Variants in TRIQK observed in about 807,000 individuals in gnomAD.
TRIQK encodes the protein triple QxxK/R motif containing.
TRIQK carries 10 observed loss-of-function variants against 10.8 expected under a neutral mutation model. The observed-to-expected ratio is 0.92, with a 90% CI of 0.57 to 1.57. The LOEUF is 1.57. Among genes scored for constraint, TRIQK ranks in the 40% most tolerant of loss-of-function variants. The pLI is 0.00. For synonymous variants in TRIQK, 33 were observed against 33.7 expected, an observed-to-expected ratio of 0.98 and a Z score of 0.07; for missense variants, 107 against 97.7, an observed-to-expected ratio of 1.09 and a Z score of -0.40.
At chr8:92,957,565 C>G (rs1812238223) in intron 1 of TRIQK, among the ~76,000 whole-genome samples, 1 of 151,648 alleles carries the variant, frequency 6.6e-6, no homozygotes, top group Admixed American at 6.6e-5. Flanking sequence ...AGAAGAAATG[C>G]AAAGTGTTAA....
chr8:93,012,672 A>G (rs755573212), intron 1 of TRIQK, among the ~76,000 whole-genome samples: 23 of 152,164 alleles, frequency 1.5e-4, no homozygotes, highest in Non-Finnish European at 8.8e-5. Flanking sequence ...ATAATTCACT[A>G]TCTCCTAACA....
chr8:92,916,558 A>C (rs576162225), intron 3 of TRIQK, among the ~76,000 whole-genome samples: 140 of 152,246 alleles, frequency 9.2e-4, no homozygotes, highest in African/African-American at 3.1e-3. Context: ...TGAAGTTATC[A>C]AATTATTGCC....
intron 1 of TRIQK, among the ~76,000 whole-genome samples, chr8:93,000,372 A>T (rs1434561201): frequency 6.6e-6 from 1 of 152,222 alleles, no homozygotes; most frequent in Non-Finnish European, 1.5e-5. Flanking sequence ...AGGTGAAGAA[A>T]GATCAAAGGC....
chr8:92,949,565 G>A lies in TRIQK; in HGVS notation c.-22+4841C>T, dbSNP rs71530260. Among the ~76,000 whole-genome samples, 565 of 140,208 alleles carry A rather than the reference G, an allele frequency of 4.0e-3. 3 individuals are homozygous for A. Among genetic ancestry groups the A allele is most frequent in the African/African-American group, 0.014 (531 of 37,122 alleles). The allele number at this position is 140,208 out of a possible 152,430, so 92.0% of individuals were successfully genotyped here. On this transcript the variant is annotated intron_variant, in intron 2 of 4. Transcript: ENST00000521988. ...GAAGGAAGGAAGGAAGGAAGGAAAG[G>A]GAAGGAAAGAAAGAAAGAGATGGAA...
At chr8:92,899,795 G>C (rs1808822007) in intron 3 of TRIQK, among the ~76,000 whole-genome samples, 1 of 152,174 alleles carries the variant, frequency 6.6e-6, no homozygotes, top group South Asian at 2.1e-4. Context: ...TCATCTGGTA[G>C]CTCTATTTTT....
intron 2 of TRIQK, chr8:92,941,356 C>T (rs1235078331): frequency 1.3e-5 from 2 of 152,090 alleles, no homozygotes; most frequent in African/African-American, 4.8e-5. Context: ...GGATTACAAG[C>T]ATGAGCCACT....
At chr8:92,966,214 C>G (rs528898700), upstream of TRIQK, 29 of 152,420 alleles carry the variant, frequency 1.9e-4, no homozygotes. Flanking sequence ...TTTCTCCCGT[C>G]TGTACGCCGG....
At chr8:92,906,579 G>A (rs1809269322) in intron 3 of TRIQK, among the ~76,000 whole-genome samples, 1 of 152,058 alleles carries the variant, frequency 6.6e-6, no homozygotes, top group Non-Finnish European at 1.5e-5. Context: ...CTCCTAGAAT[G>A]TAACACTCAT....
chr8:92,906,414 C>T (rs912542325), intron 3 of TRIQK, among the ~76,000 whole-genome samples: 1 of 151,942 alleles, frequency 6.6e-6, no homozygotes, highest in Non-Finnish European at 1.5e-5. Context: ...ACTATTTTGA[C>T]CAATCATAAA....
At chr8:92,904,658 T>C (rs1420469599) in intron 3 of TRIQK, among the ~76,000 whole-genome samples, 1 of 152,036 alleles carries the variant, frequency 6.6e-6, no homozygotes. Context: ...GCAGTATACT[T>C]ACAGTCCTAC....
At chr8:92,934,535 G>A (rs1810889015) in intron 2 of TRIQK, among the ~76,000 whole-genome samples, 1 of 151,848 alleles carries the variant, frequency 6.6e-6, no homozygotes. Context: ...TGCTTCCAAT[G>A]TAATAGCTTC....
intron 2 of TRIQK, among the ~76,000 whole-genome samples, chr8:92,923,281 G>C (rs1041623252): frequency 4.6e-5 from 7 of 151,588 alleles, no homozygotes; most frequent in Admixed American, 2.0e-4. Flanking sequence ...AGCACATACA[G>C]CCGCAATTTC....
intron 4 of TRIQK, among the ~76,000 whole-genome samples, chr8:92,888,372 G>A (rs1484444177): frequency 6.6e-6 from 1 of 151,540 alleles, no homozygotes; most frequent in Non-Finnish European, 1.5e-5. Context: ...GGCATGAAAA[G>A]GCATTTAAGG....
intron 1 of TRIQK, among the ~76,000 whole-genome samples, chr8:93,010,283 A>G (rs1813318853): frequency 6.6e-6 from 1 of 152,202 alleles, no homozygotes; most frequent in African/African-American, 2.4e-5. Context: ...CTCACTACAC[A>G]GAAATGATGA....
chr8:92,953,569 A>G (rs1025424348), intron 2 of TRIQK: 4 of 152,014 alleles, frequency 2.6e-5, no homozygotes, highest in African/African-American at 9.7e-5. Context: ...TACAATTGCT[A>G]TATATGGATG....
At chr8:92,888,328 T>G (rs1816589556) in intron 4 of TRIQK, among the ~76,000 whole-genome samples, 1 of 151,610 alleles carries the variant, frequency 6.6e-6, no homozygotes, top group Non-Finnish European at 1.5e-5. Context: ...AACAACTCTG[T>G]ATCATTTCAC....
chr8:92,959,638 C>T (rs1359678098), intron 1 of TRIQK, among the ~76,000 whole-genome samples: 1 of 152,024 alleles, frequency 6.6e-6, no homozygotes, highest in African/African-American at 2.4e-5. Flanking sequence ...TGCTCCTCAA[C>T]TTACCGTGGG....
chr8:92,901,590 T>G (rs1808943194), intron 3 of TRIQK, among the ~76,000 whole-genome samples: 1 of 152,198 alleles, frequency 6.6e-6, no homozygotes, highest in African/African-American at 2.4e-5. Context: ...ACCCCTGGGA[T>G]AAATCCCACT....
chr8:93,003,846 T>A (rs1414630686), intron 1 of TRIQK, among the ~76,000 whole-genome samples: 2 of 152,186 alleles, frequency 1.3e-5, no homozygotes, highest in East Asian at 1.9e-4. Flanking sequence ...AGGGAAGTCA[T>A]TAAATCTTAA....
Sources: gnomAD v4.1 joint callset for allele counts (sites outside exome capture counted in the v4.1 genomes callset) on GRCh38, gnomAD v4.1.1 for gene constraint, MANE v1.5 for transcripts, NCBI Gene and HGNC (gene_info 2026-07-23, HGNC 2026-07-21) for gene names.